Variants in PROKR2 observed in about 807,000 individuals in gnomAD.
PROKR2 encodes the protein prokineticin receptor 2.
PROKR2 carries 26 observed loss-of-function variants against 23.4 expected under a neutral mutation model. That is an observed-to-expected ratio of 1.11 (90% CI 0.81 to 1.54). PROKR2 has a LOEUF of 1.54. Among genes scored for constraint, PROKR2 ranks in the 40% most tolerant of loss-of-function variants. The probability of loss-of-function intolerance (pLI) is 0.00; values close to 1 mark genes in which losing one functional copy is unlikely to be tolerated. For missense variants in PROKR2, 453 were observed against 511.5 expected, an observed-to-expected ratio of 0.89 and a Z score of 1.10; for synonymous variants, 212 against 201.2, an observed-to-expected ratio of 1.05 and a Z score of -0.45.
In PROKR2 at chr20:5,316,881, C is replaced by T. The variant is rs1467327165; in HGVS notation, c.-396G>A. ...GTCCAGGGCGCGGGCACCGTAGCTC[C>T]GGCCGCGCTGACGCGAGTCCCCGGC... On this transcript the variant is annotated 5_prime_UTR_variant, in exon 1 of 3. Coordinates refer to ENST00000678254, the MANE Select transcript of PROKR2 (RefSeq NM_144773.4). The surrounding 1 kb of genome is among the most constrained non-coding windows in gnomAD (Gnocchi z 5.0). Among the ~76,000 whole-genome samples, 1 of 152,274 alleles carries T rather than the reference C, an allele frequency of 6.6e-6. No homozygotes were observed. Among genetic ancestry groups the T allele is most frequent in the African/African-American group, 2.4e-5 (1 of 41,476 alleles).
intron 2 of PROKR2, among the ~76,000 whole-genome samples, chr20:5,311,095 A>G (rs1979427369): frequency 6.6e-6 from 1 of 152,216 alleles, no homozygotes. Context: ...TCCATCAATG[A>G]TGATATTCCT....
At chr20:5,305,996 C>T (rs1343020536) in intron 2 of PROKR2, among the ~76,000 whole-genome samples, 1 of 152,052 alleles carries the variant, frequency 6.6e-6, no homozygotes, top group Non-Finnish European at 1.5e-5. Flanking sequence ...TGGGGTATGT[C>T]CCTGGTATGA....
intron 2 of PROKR2, among the ~76,000 whole-genome samples, chr20:5,307,165 C>T (rs1040462381): frequency 5.9e-5 from 9 of 152,186 alleles, no homozygotes; most frequent in African/African-American, 1.4e-4. Flanking sequence ...AAGCAACACC[C>T]GTTGAACACA....
At chr20:5,313,760 G>T in intron 2 of PROKR2, 152 bp downstream of exon 2, 1 of 713,982 alleles carries the variant, frequency 1.4e-6, no homozygotes, top group Non-Finnish European at 2.4e-6. Flanking sequence ...ACATCTGGGG[G>T]AACAGAACTC....
rs553526468 is a variant in PROKR2 at position 5,300,283 on chromosome 20, C to A, written c.*1757G>T. Among the ~76,000 whole-genome samples, 1 of 152,182 alleles carries A rather than the reference C, an allele frequency of 6.6e-6. No homozygotes were observed. The highest frequency in any genetic ancestry group is 2.4e-5 in the African/African-American group (1 of 41,442). On this transcript the variant is annotated 3_prime_UTR_variant, in exon 3 of 3. Coordinates refer to ENST00000678254, the MANE Select transcript of PROKR2 (RefSeq NM_144773.4). ...GGAGGACTGTCAACACTTCTAAGACCGCAGGGATGCTGAGAGTCTTGGGGT... is the reference window on the plus strand; with the variant it reads ...GGAGGACTGTCAACACTTCTAAGACAGCAGGGATGCTGAGAGTCTTGGGGT...
intron 2 of PROKR2, among the ~76,000 whole-genome samples, chr20:5,311,059 G>A (rs1396441917): frequency 6.6e-6 from 1 of 152,176 alleles, no homozygotes; most frequent in Non-Finnish European, 1.5e-5. Context: ...TAGATATTTT[G>A]TAAGCAATGA....
intron 2 of PROKR2, among the ~76,000 whole-genome samples, chr20:5,313,145 T>G (rs1979503873): frequency 9.1e-6 from 1 of 109,616 alleles, no homozygotes; most frequent in African/African-American, 4.0e-5. Context: ...TTACAATTAT[T>G]ATGTGTCAAT....
Position 5,301,997 on chromosome 20 carries a change from C to G in PROKR2, c.*43G>C. On this transcript the variant is annotated 3_prime_UTR_variant, in exon 3 of 3. Transcript: ENST00000678254. ...AACTTGGTTGATGGTGGGTGATGCT[C>G]TGAGTACTGGACTGGGGTTTTCAAT... is the stretch of plus-strand genomic sequence containing the variant. 6.4e-7 allele frequency: 1 copy of G among 1,557,932 alleles called. No individual in the cohort carries two copies. The highest frequency in any genetic ancestry group is 1.4e-5 in the African/African-American group (1 of 73,958).
rs1978975159 is a variant in PROKR2 at position 5,301,224 on chromosome 20, T to TGTTTC, written c.*815_*816insGAAAC. On this transcript the variant is annotated 3_prime_UTR_variant, in exon 3 of 3. Transcript: ENST00000678254. ...CCGTTGGTTGTTGTTGTTGTTGTTT[T>TGTTTC]GTTGTTTGTTTGTTTGTTTTTTTCC... Among the ~76,000 whole-genome samples, 1 of 150,466 alleles carries TGTTTC rather than the reference T, an allele frequency of 6.6e-6. No individual in the cohort carries two copies. Among genetic ancestry groups the TGTTTC allele is most frequent in the Non-Finnish European group, 1.5e-5 (1 of 67,984 alleles).
At chr20:5,308,028 G>A (rs1273207398) in intron 2 of PROKR2, among the ~76,000 whole-genome samples, 1 of 140,936 alleles carries the variant, frequency 7.1e-6, no homozygotes, top group Non-Finnish European at 1.5e-5. Flanking sequence ...AAAAACACTT[G>A]GAAGCTCTGT....
chr20:5,303,681 C>T (rs1233753941), intron 2 of PROKR2, among the ~76,000 whole-genome samples: 1 of 151,984 alleles, frequency 6.6e-6, no homozygotes, highest in East Asian at 1.9e-4. Flanking sequence ...CATTTCTATG[C>T]ATCTTATGGT....
chr20:5,313,045 G>A (rs1168822207), intron 2 of PROKR2, among the ~76,000 whole-genome samples: 1 of 152,196 alleles, frequency 6.6e-6, no homozygotes, highest in Admixed American at 6.5e-5. Context: ...ATAAACATTT[G>A]AGGTGATGGA....
In PROKR2 at chr20:5,300,669, A is replaced by G. The variant is rs116629606; in HGVS notation, c.*1371T>C. Among the ~76,000 whole-genome samples, 125 of 152,312 alleles carry G rather than the reference A, an allele frequency of 8.2e-4. 1 individual carries two copies. The Middle Eastern group carries it at 0.024, about 29-fold the overall frequency. The stretch of plus-strand genomic sequence containing the variant: ...TGAGACACAGAGAGAAAACATCATG[A>G]ATTTAGGACTTGAGTCTTAGAGTTA... On this transcript the variant is annotated 3_prime_UTR_variant, in exon 3 of 3. Coordinates refer to ENST00000678254, the MANE Select transcript of PROKR2 (RefSeq NM_144773.4).
In PROKR2 at chr20:5,314,347, G is replaced by A; in HGVS notation, c.23C>T (p.Thr8Ile). Residue 8 changes from threonine (T) to isoleucine (I), a missense_variant, in exon 2 of 3, where the codon ACC becomes ATC. Thr to Ile is a moderately conservative substitution (Grantham distance 89). Coordinates refer to ENST00000678254, the MANE Select transcript of PROKR2 (RefSeq NM_144773.4). MAAQNGN[T>I]SFTPNFNPPQ... ...TGGATTAAAGTTGGGTGTGAAACTGGTGTTTCCATTCTGGGCTGCCATGGT... is the reference window on the plus strand; with the variant it reads ...TGGATTAAAGTTGGGTGTGAAACTGATGTTTCCATTCTGGGCTGCCATGGT... The A allele has an allele frequency of 1.9e-6, 3 of 1,614,114 alleles. No individual in the cohort carries two copies. The highest frequency in any genetic ancestry group is 2.5e-6 in the Non-Finnish European group (3 of 1,180,032).
chr20:5,301,980 T>G lies in PROKR2; in HGVS notation c.*60A>C. The stretch of plus-strand genomic sequence containing the variant: ...TTCCCATGCAGCCTATGAACTTGGT[T>G]GATGGTGGGTGATGCTCTGAGTACT... On this transcript the variant is annotated 3_prime_UTR_variant, in exon 3 of 3. Coordinates refer to ENST00000678254, the MANE Select transcript of PROKR2 (RefSeq NM_144773.4). 6.8e-7 allele frequency: 1 copy of G among 1,480,190 alleles called. No individual in the cohort carries two copies. Among genetic ancestry groups the G allele is most frequent in the Non-Finnish European group, 9.4e-7 (1 of 1,068,738 alleles). 91.7% of individuals were successfully genotyped at this position (1,480,190 alleles called of 1,614,324 possible). A position where few individuals can be genotyped will look rare whatever the true frequency, so the allele number is the denominator to read the frequency against.
chr20:5,303,973 C>T (rs958302348), intron 2 of PROKR2, among the ~76,000 whole-genome samples: 10 of 152,104 alleles, frequency 6.6e-5, no homozygotes, highest in Non-Finnish European at 1.0e-4. Context: ...GAGAGTATAA[C>T]GAAGTAACAG....
At chr20:5,308,877 CCCCCTG>C (rs1320832307) in intron 2 of PROKR2, among the ~76,000 whole-genome samples, 1 of 152,196 alleles carries the variant, frequency 6.6e-6, no homozygotes, top group Admixed American at 6.5e-5. Flanking sequence ...CTCTTGCCTG[CCCCCTG>C]CCTGCCAGTG....
chr20:5,306,905 A>G (rs560293337), intron 2 of PROKR2, among the ~76,000 whole-genome samples: 1 of 152,356 alleles, frequency 6.6e-6, no homozygotes, highest in African/African-American at 2.4e-5. Context: ...CTGCAAAGAC[A>G]AAAGCAGAAT....
chr20:5,314,447 T>C (rs1979579897), intron 1 of PROKR2, 70 bp from the exon 2 acceptor site: 2 of 1,262,702 alleles, frequency 1.6e-6, no homozygotes, highest in South Asian at 2.4e-5. Flanking sequence ...TCAGGGTCAG[T>C]GAGCCTAGCA....
Sources: gnomAD v4.1 joint callset for allele counts (sites outside exome capture counted in the v4.1 genomes callset) on GRCh38, gnomAD v4.1.1 for gene constraint, Gnocchi (gnomAD v3.1) non-coding constraint, MANE v1.5 for transcripts, NCBI Gene and HGNC (gene_info 2026-07-23, HGNC 2026-07-21) for gene names.